The following SBNO2 variants were observed in gnomAD, a reference collection of about 807,000 sequenced individuals.
SBNO2 encodes strawberry notch homolog 2.
SBNO2 carries 89 observed loss-of-function variants against 146.3 expected under a neutral mutation model. That is an observed-to-expected ratio of 0.61 (90% confidence interval 0.51 to 0.73). The LOEUF is 0.73. SBNO2 is among the 30% of genes least tolerant of loss of function. The pLI is 0.00. For missense variants in SBNO2, 2,092 were observed against 2,003.7 expected (o/e 1.04, Z -0.84); for synonymous variants, 1,147 against 892.6 (o/e 1.29, Z -5.08).
At chr19:1,152,336 T>C (rs928879315) in intron 2 of SBNO2, among the ~76,000 whole-genome samples, 1 of 152,226 alleles carries the variant, frequency 6.6e-6, no homozygotes, top group Non-Finnish European at 1.5e-5. Flanking sequence ...GAGATTCCAG[T>C]TTCCTGCCAC....
At chr19:1,122,319 G>A (rs774421020) in intron 10 of SBNO2, 37 bp from the exon 11 acceptor site, 22 of 1,527,324 alleles carry the variant, frequency 1.4e-5, no homozygotes, top group East Asian at 1.4e-4. Context: ...ATGGGGCCCC[G>A]GCTCAGCAGG....
rs2080228278 is a variant in SBNO2, at chr19:1,150,058, C to T, written c.94-616G>A. ...GCTTTGGGAAATGGTGACCAGTGGC[C>T]TGGAGGCTCAGCCCGAGGTCAGTGG... On this transcript the variant is annotated intron_variant, in intron 2 of 31. Coordinates refer to ENST00000361757, the MANE Select transcript of SBNO2 (RefSeq NM_014963.3). This position sits in a 1 kb window ranked among gnomAD's most constrained non-coding sequence, Gnocchi z 6.2. 1.3e-5 allele frequency among the ~76,000 whole-genome samples: 2 copies of T among 152,152 alleles called. No individual in the cohort carries two copies. Among genetic ancestry groups the T allele is most frequent in the Non-Finnish European group, 2.9e-5 (2 of 68,004 alleles).
chr19:1,123,091 G>A (rs758862142), intron 7 of SBNO2, 46 bp from the exon 8 acceptor site: 36 of 1,571,598 alleles, frequency 2.3e-5, no homozygotes, highest in Non-Finnish European at 2.9e-5. Flanking sequence ...ATGGCCAAGG[G>A]GTGACCAGGG....
chr19:1,111,992 G>C lies in SBNO2; in HGVS notation c.2700+4C>G. On this transcript the variant is annotated splice_donor_region_variant and intron_variant, in intron 23 of 31. Transcript: ENST00000361757. Reference sequence around the variant, plus strand: ...GCCCCCCAACCCTGCCTTCCCTGCAGTACCTTGTTCTCAAAGTTGTACTTG... The same window carrying C: ...GCCCCCCAACCCTGCCTTCCCTGCACTACCTTGTTCTCAAAGTTGTACTTG... 6.2e-7 allele frequency: 1 copy of C among 1,600,280 alleles called. No individual in the cohort carries two copies. The highest frequency in any genetic ancestry group is 8.5e-7 in the Non-Finnish European group (1 of 1,172,902).
At chr19:1,172,752 C>T (rs1259258432) in intron 1 of SBNO2, among the ~76,000 whole-genome samples, 2 of 149,138 alleles carry the variant, frequency 1.3e-5, no homozygotes, top group African/African-American at 2.5e-5. Flanking sequence ...CTTCCTCTGC[C>T]CCTCTGTAAA....
Position 1,158,265 on chromosome 19 carries a change from C to T in SBNO2, c.-126-3863G>A, listed in dbSNP as rs1328251749. On this transcript the variant is annotated intron_variant, in intron 1 of 31. Transcript: ENST00000361757. This position sits in a 1 kb window ranked among gnomAD's most constrained non-coding sequence, Gnocchi z 9.9. ...GCGCGCTCCGCCCTCAGACCCGAGCCGTCTGCAGATGGGGAGCTGTGTCCT... is the reference window on the plus strand; with the variant it reads ...GCGCGCTCCGCCCTCAGACCCGAGCTGTCTGCAGATGGGGAGCTGTGTCCT... 6.6e-6 allele frequency among the ~76,000 whole-genome samples: 1 copy of T among 151,952 alleles called. No individual in the cohort carries two copies. The highest frequency in any genetic ancestry group is 1.5e-5 in the Non-Finnish European group (1 of 67,996).
In SBNO2 at chr19:1,107,962, G is replaced by C. The variant is rs954506581; in HGVS notation, c.*258C>G. The stretch of plus-strand genomic sequence containing the variant: ...GAGCCCTTGTGGGTGCCCAGTCCCA[G>C]AGCAGCCACCCGGAGCCCCTTCCTA... On this transcript the variant is annotated 3_prime_UTR_variant, in exon 32 of 32. Transcript: ENST00000361757. The C allele has an allele frequency of 3.4e-6, 1 of 291,072 alleles. No homozygotes were observed. The highest frequency in any genetic ancestry group is 6.9e-5 in the South Asian group (1 of 14,592). The allele number at this position is 291,072 out of a possible 1,614,324, so 18.0% of individuals were successfully genotyped here. A position where few individuals can be genotyped will look rare whatever the true frequency, so the allele number is the denominator to read the frequency against.
rs1209120567 is a variant in SBNO2, at chr19:1,110,787, C to T, written c.2986G>A (p.Glu996Lys). 11 of 1,613,564 alleles carry T rather than the reference C, an allele frequency of 6.8e-6. No homozygotes were observed. The highest frequency in any genetic ancestry group is 3.3e-5 in the South Asian group (3 of 91,084). ...TATTTGCCCTCCCGCTTGTCCATCT[C>T]GATGAGGTGGTCGAAGGTGTCTGAG... Reference protein sequence around the residue: ...YFSDTFDHLIEMDKREGKYDM... With the variant: ...YFSDTFDHLIKMDKREGKYDM... Residue 996 changes from glutamate (E) to lysine (K), a missense_variant, in exon 26 of 32, where the codon GAG (glutamate) becomes AAG (lysine). Physicochemically the swap from Glu to Lys is moderately conservative, Grantham distance 56. Transcript: ENST00000361757. The surrounding 1 kb of genome is among the most constrained non-coding windows in gnomAD (Gnocchi z 4.9).
At position 1,116,814 on chromosome 19, in the gene SBNO2, C is replaced by T; in HGVS notation, c.1802+15G>A. 4 of 1,570,772 alleles carry T rather than the reference C, an allele frequency of 2.5e-6. No homozygotes were observed. The highest frequency in any genetic ancestry group is 3.5e-6 in the Non-Finnish European group (4 of 1,158,860). ...CGCAGGAAGCCCACAGTCCTGTCCC[C>T]ACCGTGACACTTACTCAGCGGCCGA... On this transcript the variant is annotated intron_variant, in intron 16 of 31. Coordinates refer to ENST00000361757, the MANE Select transcript of SBNO2 (RefSeq NM_014963.3).
At chr19:1,164,197 GC>G (rs1453614250) in intron 1 of SBNO2, among the ~76,000 whole-genome samples, 1 of 139,006 alleles carries the variant, frequency 7.2e-6, no homozygotes, top group Non-Finnish European at 1.6e-5. Flanking sequence ...GGGCCAAGGG[GC>G]TGGTGCCATG....
At chr19:1,137,146 C>A (rs1484072699) in intron 4 of SBNO2, among the ~76,000 whole-genome samples, 1 of 144,792 alleles carries the variant, frequency 6.9e-6, no homozygotes, top group Non-Finnish European at 1.5e-5. Context: ...TGGGGAATGT[C>A]CTGTGTAGGG....
Position 1,150,531 on chromosome 19 carries a change from C to T in SBNO2, c.94-1089G>A, listed in dbSNP as rs1257252464. Reference sequence around the variant, plus strand: ...CTGCCGTCACGGACGCCCCCACGGTCACGGGGGAGACCCTGCCGTCACGGA... The same window carrying T: ...CTGCCGTCACGGACGCCCCCACGGTTACGGGGGAGACCCTGCCGTCACGGA... On this transcript the variant is annotated intron_variant, in intron 2 of 31. Transcript: ENST00000361757. The surrounding 1 kb of genome is among the most constrained non-coding windows in gnomAD (Gnocchi z 6.2). Among the ~76,000 whole-genome samples the T allele has an allele frequency of 6.6e-6, 1 of 152,070 alleles. No individual in the cohort carries two copies. The highest frequency in any genetic ancestry group is 1.5e-5 in the Non-Finnish European group (1 of 67,976).
At chr19:1,165,708 CCAGATCT>C (rs1251460034) in intron 1 of SBNO2, among the ~76,000 whole-genome samples, 1 of 85,646 alleles carries the variant, frequency 1.2e-5, no homozygotes, top group Non-Finnish European at 2.9e-5. Context: ...ACCCCAGACC[CCAGATCT>C]CAGACCCCAG....
chr19:1,149,318 C>T, intron 3 of SBNO2, 51 bp downstream of exon 3: 2 of 1,499,502 alleles, frequency 1.3e-6, no homozygotes, highest in Non-Finnish European at 1.8e-6. Context: ...GTAACTGTGA[C>T]TTCAGAATGA....
At chr19:1,115,792 G>A (rs1302119283) in intron 17 of SBNO2, 10 of 590,812 alleles carry the variant, frequency 1.7e-5, no homozygotes, top group South Asian at 8.0e-5. Context: ...CGGCACCCAC[G>A]TCTGTGTCCT....
At chr19:1,151,764 G>A (rs1216716611) in intron 2 of SBNO2, among the ~76,000 whole-genome samples, 1 of 152,194 alleles carries the variant, frequency 6.6e-6, no homozygotes, top group African/African-American at 2.4e-5. Flanking sequence ...CCGAGTTCAA[G>A]CGATTCTCCT....
chr19:1,108,286 A>G lies in SBNO2; in HGVS notation c.4035T>C (p.Gly1345=). The part of the protein sequence containing the change: ...EGAGAGGAAG[G]GPERQSVIQF... ...GGATCACGCTCTGCCGCTCGGGACCACCGCCCGCCGCGCCCCCCGCCCCCG... is the reference window on the plus strand; with the variant it reads ...GGATCACGCTCTGCCGCTCGGGACCGCCGCCCGCCGCGCCCCCCGCCCCCG... The change falls in exon 32 of 32, where the codon GGT becomes GGC. Residue 1345 remains glycine (G), a synonymous_variant. Coordinates refer to ENST00000361757, the MANE Select transcript of SBNO2 (RefSeq NM_014963.3). The G allele has an allele frequency of 6.7e-7, 1 of 1,501,762 alleles. No homozygotes were observed. The highest frequency in any genetic ancestry group is 1.5e-5 in the African/African-American group (1 of 68,302). The allele number at this position is 1,501,762 out of a possible 1,614,324, so 93.0% of individuals were successfully genotyped here.
At chr19:1,162,803 A>G (rs1385339325) in intron 1 of SBNO2, among the ~76,000 whole-genome samples, 1 of 152,206 alleles carries the variant, frequency 6.6e-6, no homozygotes, top group Non-Finnish European at 1.5e-5. Context: ...AGGACCCTGT[A>G]GACCAGCTAC....
chr19:1,118,887 A>T (rs2079864300), intron 14 of SBNO2, 124 bp downstream of exon 14: 2 of 1,036,264 alleles, frequency 1.9e-6, no homozygotes, highest in Non-Finnish European at 2.7e-6. Context: ...CAACAAAAAA[A>T]AAACCCCAGG....
Sources: allele counts gnomAD v4.1 joint callset (sites outside exome capture counted in the v4.1 genomes callset), GRCh38; gene constraint gnomAD v4.1.1; non-coding constraint Gnocchi (gnomAD v3.1); transcripts MANE v1.5; gene names NCBI Gene and HGNC (gene_info 2026-07-23, HGNC 2026-07-21).